ABCC1: variants seen among roughly 807,000 people sequenced by gnomAD.
ABCC1 encodes ATP binding cassette subfamily C member 1 (ABCC1 blood group).
In ABCC1, 83 loss-of-function variants were observed where a neutral mutation model predicts 172.9. The ratio of observed to expected loss-of-function variants is 0.48; its 90% CI spans 0.40 to 0.58. The LOEUF (loss-of-function observed/expected upper bound fraction) is 0.58. ABCC1 is among the 20% of genes least tolerant of loss of function. ABCC1 has a pLI of 0.00. For synonymous variants in ABCC1, 937 were observed against 825.2 expected, an observed-to-expected ratio of 1.14 and a Z score of -2.32; for missense variants, 1,817 against 2,002.7, an observed-to-expected ratio of 0.91 and a Z score of 1.77.
intron 1 of ABCC1, among the ~76,000 whole-genome samples, chr16:15,970,026 A>G (rs954378506): frequency 1.3e-5 from 2 of 152,130 alleles, no homozygotes; most frequent in African/African-American, 2.4e-5. Context: ...GGTGAGTGCA[A>G]TAGCGGGGTT....
intron 1 of ABCC1, among the ~76,000 whole-genome samples, chr16:15,975,705 C>A (rs45457799): frequency 1.3e-5 from 2 of 151,570 alleles, no homozygotes; most frequent in South Asian, 4.2e-4. Flanking sequence ...TACAGGCATG[C>A]GCCACCATCT....
chr16:16,008,504 C>T (rs934884650), intron 2 of ABCC1, among the ~76,000 whole-genome samples: 1 of 151,026 alleles, frequency 6.6e-6, no homozygotes, highest in African/African-American at 2.4e-5. Context: ...CACGCCTGGC[C>T]CCTAATTTTT....
At chr16:15,970,263 G>C (rs973025696) in intron 1 of ABCC1, among the ~76,000 whole-genome samples, 3 of 152,214 alleles carry the variant, frequency 2.0e-5, no homozygotes, top group Non-Finnish European at 4.4e-5. Flanking sequence ...CATGGATCAA[G>C]ATGATGCATC....
chr16:16,050,552 G>C (rs1312120721), intron 10 of ABCC1, among the ~76,000 whole-genome samples: 1 of 151,344 alleles, frequency 6.6e-6, no homozygotes, highest in African/African-American at 2.4e-5. Context: ...GGTGAGTAAA[G>C]TGTTTCTAAT....
chr16:16,062,575 CAG>C (rs1372204792), intron 12 of ABCC1, among the ~76,000 whole-genome samples: 2 of 152,170 alleles, frequency 1.3e-5, no homozygotes, highest in African/African-American at 4.8e-5. Context: ...TTTCCAGAGA[CAG>C]AGTTTGTTGA....
At chr16:16,008,185 G>A (rs145928598) in intron 2 of ABCC1, among the ~76,000 whole-genome samples, 193 bp downstream of exon 2, 8 of 152,096 alleles carry the variant, frequency 5.3e-5, no homozygotes, top group African/African-American at 1.2e-4. Context: ...TTGCTCTGCC[G>A]CTTAGTATTT....
chr16:16,071,856 A>G (rs535356819), intron 14 of ABCC1, 127 bp downstream of exon 14: 2 of 828,230 alleles, frequency 2.4e-6, no homozygotes, highest in African/African-American at 3.4e-5. Flanking sequence ...CTTGTCTGCG[A>G]GACCCCGGGG....
At chr16:16,085,605 A>G (rs546620711) in intron 17 of ABCC1, among the ~76,000 whole-genome samples, 1 of 152,112 alleles carries the variant, frequency 6.6e-6, no homozygotes, top group African/African-American at 2.4e-5. Flanking sequence ...CATGGTGAAA[A>G]CCCACCTCTA....
At chr16:16,048,017 G>T in intron 9 of ABCC1, 125 bp from the exon 10 acceptor site, 1 of 1,232,978 alleles carries the variant, frequency 8.1e-7, no homozygotes, top group African/African-American at 1.5e-5. Flanking sequence ...AGGTCGGGAG[G>T]GGAGGAGGAG....
At chr16:16,033,354 C>T (rs1228957081) in intron 6 of ABCC1, among the ~76,000 whole-genome samples, 184 bp downstream of exon 6, 2 of 152,128 alleles carry the variant, frequency 1.3e-5, no homozygotes, top group East Asian at 1.9e-4. Context: ...CCGGCAGTTC[C>T]GTGAACTTGA....
chr16:16,035,597 C>T (rs1364756346), intron 6 of ABCC1, among the ~76,000 whole-genome samples: 1 of 151,434 alleles, frequency 6.6e-6, no homozygotes, highest in Non-Finnish European at 1.5e-5. Flanking sequence ...CTTGAGCAAT[C>T]CTGCCACCTC....
At chr16:16,089,657 G>A (rs925062714) in intron 18 of ABCC1, among the ~76,000 whole-genome samples, 4 of 152,090 alleles carry the variant, frequency 2.6e-5, no homozygotes, top group African/African-American at 9.7e-5. Context: ...ATTGCCTGAG[G>A]TCAGGAGTTT....
At chr16:16,102,753 C>T in intron 20 of ABCC1, 36 bp downstream of exon 20, 1 of 1,544,574 alleles carries the variant, frequency 6.5e-7, no homozygotes, top group Non-Finnish European at 8.8e-7. Context: ...CCTAAGGACC[C>T]TGCCCTGCCA....
intron 20 of ABCC1, among the ~76,000 whole-genome samples, chr16:16,106,110 C>G (rs2052086630): frequency 6.6e-6 from 1 of 152,006 alleles, no homozygotes; most frequent in Non-Finnish European, 1.5e-5. Context: ...CTCCTGGCCT[C>G]AAGTGATCCG....
In ABCC1 at chr16:16,055,995, T is replaced by C. The variant is rs1433380335; in HGVS notation, c.1474-97T>C. On this transcript the variant is annotated intron_variant, in intron 11 of 30. Transcript: ENST00000399410. ...TATAAAAAACATTTACATGTCAAAGTATATAATAAAGTTTATGAGAAAAAT... is the reference window on the plus strand; with the variant it reads ...TATAAAAAACATTTACATGTCAAAGCATATAATAAAGTTTATGAGAAAAAT... 18 of 1,053,466 alleles carry C rather than the reference T, an allele frequency of 1.7e-5. No individual in the cohort carries two copies. The Middle Eastern group carries it at 1.8e-3, about 106-fold the overall frequency. The allele number at this position is 1,053,466 out of a possible 1,614,324, so 65.3% of individuals were successfully genotyped here.
intron 29 of ABCC1, among the ~76,000 whole-genome samples, chr16:16,137,105 G>A (rs551324006): frequency 1.3e-5 from 2 of 152,330 alleles, no homozygotes; most frequent in African/African-American, 4.8e-5. Flanking sequence ...GTGTTTGTTA[G>A]TGCCTGGTTC....
At chr16:16,086,707 A>T (rs2051021640) in intron 17 of ABCC1, 117 bp from the exon 18 acceptor site, 4 of 1,084,990 alleles carry the variant, frequency 3.7e-6, no homozygotes, top group Non-Finnish European at 5.4e-6. Context: ...GGTCTCAAGC[A>T]GTCCTTCCAC....
At chr16:16,133,342 A>G (rs1169261217) in intron 27 of ABCC1, among the ~76,000 whole-genome samples, 2 of 152,134 alleles carry the variant, frequency 1.3e-5, no homozygotes, top group African/African-American at 2.4e-5. Flanking sequence ...GTTACAGAGA[A>G]GAGCAGAGTG....
Position 16,090,461 on chromosome 16 carries a change from C to T in ABCC1, c.2517C>T (p.Ile839=), listed in dbSNP as rs777639190. The T allele has an allele frequency of 1.2e-5, 20 of 1,613,710 alleles. No individual in the cohort carries two copies. The highest frequency in any genetic ancestry group is 6.6e-5 in the South Asian group (6 of 91,064). ...MSYLPQVDVI[I]VMSGGKISEM... ...ACTTGCCGCAGGTGGACGTCATCAT[C>T]GTCATGAGTGGCGGCAAGATCTCTG... The change falls in exon 19 of 31, where the codon ATC becomes ATT. Residue 839 remains isoleucine, a synonymous_variant. Coordinates refer to ENST00000399410, the MANE Select transcript of ABCC1 (RefSeq NM_004996.4).
Sources: gnomAD v4.1 joint callset for allele counts (sites outside exome capture counted in the v4.1 genomes callset) on GRCh38, gnomAD v4.1.1 for gene constraint, MANE v1.5 for transcripts, NCBI Gene and HGNC (gene_info 2026-07-23, HGNC 2026-07-21) for gene names.